Variants in CALD1 observed in about 807,000 individuals in gnomAD.
CALD1 encodes caldesmon.
A neutral mutation model predicts 99.9 loss-of-function variants in CALD1; 33 were observed. That is an observed-to-expected ratio of 0.33 (90% confidence interval 0.25 to 0.44). CALD1 has a LOEUF of 0.44. Among genes scored for constraint, CALD1 ranks in the 20% least tolerant of loss-of-function variants. CALD1 has a pLI of 1.00. For missense variants in CALD1, 861 were observed against 962.1 expected, an observed-to-expected ratio of 0.89 and a Z score of 1.39; for synonymous variants, 310 against 325.0, an observed-to-expected ratio of 0.95 and a Z score of 0.50.
chr7:134,850,145 A>AT (rs1800017108), intron 2 of CALD1, among the ~76,000 whole-genome samples: 1 of 152,208 alleles, frequency 6.6e-6, no homozygotes, highest in African/African-American at 2.4e-5. Context: ...CAGAAGATTC[A>AT]TTTTTACTTC....
chr7:134,962,877 C>A lies in CALD1; in HGVS notation c.2295+2249C>A, dbSNP rs142693482. 2.1e-3 allele frequency: 976 copies of A among 456,624 alleles called. 6 individuals carry two copies. The highest frequency in any genetic ancestry group is 0.018 in the African/African-American group (894 of 50,168). 28.3% of individuals were successfully genotyped at this position (456,624 alleles called of 1,614,324 possible). A position where few individuals can be genotyped will look rare whatever the true frequency, so the allele number is the denominator to read the frequency against. ...GTTGATTGGAAACCTGCTTCTCCTG[C>A]CTTCATTTCTCCCTCTTCTTCCGGA... On this transcript the variant is annotated intron_variant, in intron 13 of 14. Transcript: ENST00000361675.
At chr7:134,879,930 G>T (rs990552120) in intron 3 of CALD1, among the ~76,000 whole-genome samples, 23 of 152,078 alleles carry the variant, frequency 1.5e-4, no homozygotes, top group African/African-American at 5.6e-4. Flanking sequence ...AGTACACATC[G>T]GTCACTATAA....
intron 1 of CALD1, among the ~76,000 whole-genome samples, chr7:134,774,127 G>A (rs1968700): frequency 0.43 from 54,506 of 125,896 alleles, 11,229 homozygotes; most frequent in East Asian, 0.6. Context: ...CTGACATGGT[G>A]CCACTGCACT....
intron 7 of CALD1, among the ~76,000 whole-genome samples, chr7:134,941,572 T>C (rs1360291816): frequency 6.6e-6 from 1 of 152,030 alleles, no homozygotes; most frequent in Non-Finnish European, 1.5e-5. Context: ...ATTCATGTCA[T>C]TCAATGATTC....
At chr7:134,844,982 T>C (rs1013699065) in intron 2 of CALD1, among the ~76,000 whole-genome samples, 5 of 152,214 alleles carry the variant, frequency 3.3e-5, no homozygotes, top group Non-Finnish European at 5.9e-5. Context: ...TTTCAACGTA[T>C]GAATTTGGGG....
At chr7:134,939,149 GT>G (rs1331897181) in intron 6 of CALD1, among the ~76,000 whole-genome samples, 1 of 152,176 alleles carries the variant, frequency 6.6e-6, no homozygotes, top group Admixed American at 6.5e-5. Context: ...AATATATTTT[GT>G]TTCCTCCTTC....
At chr7:134,952,042 T>G (rs1272904907) in intron 9 of CALD1, among the ~76,000 whole-genome samples, 1 of 152,168 alleles carries the variant, frequency 6.6e-6, no homozygotes, top group African/African-American at 2.4e-5. Flanking sequence ...GGCTCACACC[T>G]GTGATCCCAG....
intron 1 of CALD1, among the ~76,000 whole-genome samples, chr7:134,756,082 G>C (rs557157839): frequency 6.6e-6 from 1 of 151,556 alleles, no homozygotes; most frequent in Non-Finnish European, 1.5e-5. Context: ...GTAAAGACAG[G>C]GTTTCACTAT....
At chr7:134,869,811 C>G (rs1266557351) in intron 3 of CALD1, among the ~76,000 whole-genome samples, 1 of 152,034 alleles carries the variant, frequency 6.6e-6, no homozygotes, top group East Asian at 1.9e-4. Flanking sequence ...AGTACAAAAG[C>G]TGAGGGGATA....
intron 3 of CALD1, among the ~76,000 whole-genome samples, chr7:134,879,866 T>G (rs961274656): frequency 2.0e-5 from 3 of 152,220 alleles, no homozygotes; most frequent in Non-Finnish European, 2.9e-5. Flanking sequence ...TTTTCCATTT[T>G]AATAACTCCC....
At chr7:134,888,078 T>A (rs1429105645) in intron 3 of CALD1, among the ~76,000 whole-genome samples, 3 of 152,196 alleles carry the variant, frequency 2.0e-5, no homozygotes, top group African/African-American at 7.2e-5. Context: ...AAAATCATAT[T>A]TTCTTAATAA....
chr7:134,812,204 C>T (rs936149158), intron 1 of CALD1, among the ~76,000 whole-genome samples: 1 of 152,150 alleles, frequency 6.6e-6, no homozygotes, highest in Non-Finnish European at 1.5e-5. Context: ...CTGAGAATGT[C>T]ATAGGAAATG....
At chr7:134,956,327 AT>A (rs367614028) in intron 9 of CALD1, among the ~76,000 whole-genome samples, 2 of 152,188 alleles carry the variant, frequency 1.3e-5, no homozygotes, top group African/African-American at 4.8e-5. Flanking sequence ...ATCTTGGAGA[AT>A]TGTGTGTATC....
chr7:134,769,786 C>T (rs773724885), intron 1 of CALD1, among the ~76,000 whole-genome samples: 2 of 152,040 alleles, frequency 1.3e-5, no homozygotes, highest in Non-Finnish European at 2.9e-5. Context: ...TACAGGCATG[C>T]GCCAACATGC....
chr7:134,881,242 G>A (rs1374756810), intron 3 of CALD1, among the ~76,000 whole-genome samples: 2 of 152,204 alleles, frequency 1.3e-5, no homozygotes. Flanking sequence ...ACATGTCCAA[G>A]AGCACACAGT....
At chr7:134,876,987 G>A (rs1215656356) in intron 3 of CALD1, among the ~76,000 whole-genome samples, 1 of 152,158 alleles carries the variant, frequency 6.6e-6, no homozygotes. Flanking sequence ...GATTCAAAAT[G>A]GTTGTTCTAC....
chr7:134,900,143 C>T (rs1802887893), intron 3 of CALD1: 1 of 151,426 alleles, frequency 6.6e-6, no homozygotes, highest in Admixed American at 6.6e-5. Flanking sequence ...TGAAAATATT[C>T]ATTACACAAA....
chr7:134,753,179 C>A (rs1796700415), intron 1 of CALD1, among the ~76,000 whole-genome samples: 1 of 151,970 alleles, frequency 6.6e-6, no homozygotes, highest in African/African-American at 2.4e-5. Context: ...AGAAAAAAGA[C>A]AAGACTCAGC....
intron 7 of CALD1, among the ~76,000 whole-genome samples, chr7:134,941,613 C>T (rs191599379): frequency 6.6e-6 from 1 of 151,190 alleles, no homozygotes; most frequent in East Asian, 1.9e-4. Context: ...TCCTAAGAGA[C>T]CTTTCTCAGT....
Sources: allele counts gnomAD v4.1 joint callset (sites outside exome capture counted in the v4.1 genomes callset), GRCh38; gene constraint gnomAD v4.1.1; transcripts MANE v1.5; gene names NCBI Gene and HGNC (gene_info 2026-07-23, HGNC 2026-07-21).